FER1L6: variants seen among roughly 807,000 people sequenced by gnomAD.
The protein encoded by FER1L6 is fer-1 like family member 6.
FER1L6 carries 177 observed loss-of-function variants against 219.2 expected under a neutral mutation model. That is an observed-to-expected ratio of 0.81 (90% CI 0.71 to 0.91). The LOEUF (loss-of-function observed/expected upper bound fraction) is 0.91, where lower values mean the gene tolerates loss of function less well. Ranked by LOEUF, FER1L6 falls within the 40% of genes least tolerant of loss-of-function variation. The pLI is 0.00. For synonymous variants in FER1L6, 768 were observed against 824.3 expected, an observed-to-expected ratio of 0.93 and a Z score of 1.17; for missense variants, 2,153 against 2,259.9, an observed-to-expected ratio of 0.95 and a Z score of 0.96.
intron 35 of FER1L6, among the ~76,000 whole-genome samples, chr8:124,095,913 G>A (rs1707349414): frequency 6.6e-6 from 1 of 152,212 alleles, no homozygotes; most frequent in Non-Finnish European, 1.5e-5. Context: ...ATGAGTAGTA[G>A]TAGAGATGGA....
intron 39 of FER1L6, among the ~76,000 whole-genome samples, chr8:124,110,891 T>C (rs1822995709): frequency 6.6e-6 from 1 of 151,562 alleles, no homozygotes; most frequent in African/African-American, 2.4e-5. Flanking sequence ...GTGCCCCCCC[T>C]CCCCTCCAGC....
intron 26 of FER1L6, 108 bp downstream of exon 26, chr8:124,064,681 C>T: frequency 1.1e-6 from 1 of 907,200 alleles, no homozygotes; most frequent in Non-Finnish European, 1.7e-6. Flanking sequence ...AGCAGCTTCA[C>T]ATTTCTGAGT....
chr8:123,899,716 A>T (rs908410466), intron 1 of FER1L6, among the ~76,000 whole-genome samples: 1 of 152,108 alleles, frequency 6.6e-6, no homozygotes, highest in Middle Eastern at 3.2e-3. Context: ...ATTTTCCTAC[A>T]TGTGGCTAGC....
chr8:124,028,688 G>A (rs1818823311), intron 18 of FER1L6, among the ~76,000 whole-genome samples: 3 of 152,148 alleles, frequency 2.0e-5, no homozygotes, highest in African/African-American at 7.2e-5. Context: ...TTGTAACCTT[G>A]GAAACTCTTG....
chr8:123,885,983 C>T (rs539619339), intron 1 of FER1L6, among the ~76,000 whole-genome samples: 1 of 152,330 alleles, frequency 6.6e-6, no homozygotes, highest in South Asian at 2.1e-4. Flanking sequence ...TGTTCCTCTG[C>T]CTCAGAGGCT....
In FER1L6 at chr8:124,101,112, G is replaced by A. The variant is rs375549612; in HGVS notation, c.4899G>A (p.Leu1633=). Residue 1633 remains leucine (L), a synonymous_variant, in exon 38 of 41, where the codon TTG becomes TTA. Transcript: ENST00000522917. ...DIYVKGWLKG[L]EDDKQETDVH... is the part of the protein sequence containing the mutation. ...CTATTTTTAGGTGGTTAAAGGGCTT[G>A]GAGGATGACAAGCAGGAGACAGATG... is the stretch of plus-strand genomic sequence containing the variant. 42 of 1,613,734 alleles carry A rather than the reference G, an allele frequency of 2.6e-5. No homozygotes were observed. In the African/African-American group the frequency reaches 5.5e-4, roughly 21 times the overall value.
intron 1 of FER1L6, among the ~76,000 whole-genome samples, chr8:123,939,529 C>T (rs186622314): frequency 6.6e-6 from 1 of 152,248 alleles, no homozygotes; most frequent in African/African-American, 2.4e-5. Context: ...GTGGGTCTGA[C>T]ACCTGTGACA....
intron 5 of FER1L6, among the ~76,000 whole-genome samples, chr8:123,966,901 G>A (rs368217515): frequency 1.3e-5 from 2 of 152,148 alleles, no homozygotes; most frequent in South Asian, 2.1e-4. Context: ...CTAACATGGT[G>A]AAACCCCATC....
chr8:123,974,680 A>AAAC lies in FER1L6; in HGVS notation c.527-468_527-467insCAA, dbSNP rs1362934333. On this transcript the variant is annotated intron_variant, in intron 7 of 40. Transcript: ENST00000522917. Reference sequence around the variant, plus strand: ...GTCTCAAAAAAAAAAAAAAAAAAAAAAAGAAATGTGAAGCCAGTATTGCCA... The same window carrying AAAC: ...GTCTCAAAAAAAAAAAAAAAAAAAAAAACAAGAAATGTGAAGCCAGTATTGCCA... 1.2e-4 allele frequency among the ~76,000 whole-genome samples: 18 copies of AAAC among 148,596 alleles called. 1 individual carries two copies. The highest frequency in any genetic ancestry group is 4.5e-4 in the African/African-American group (18 of 40,442).
chr8:123,949,177 T>G (rs943510826), intron 1 of FER1L6, among the ~76,000 whole-genome samples: 1 of 152,236 alleles, frequency 6.6e-6, no homozygotes, highest in African/African-American at 2.4e-5. Flanking sequence ...TTGAAGATAT[T>G]AACAGATATT....
chr8:124,053,880 A>C (rs890217012), intron 22 of FER1L6, among the ~76,000 whole-genome samples: 2 of 152,056 alleles, frequency 1.3e-5, no homozygotes, highest in African/African-American at 4.8e-5. Flanking sequence ...TGAAGGATAT[A>C]ATACCTTTGT....
chr8:124,119,624 T>C lies in FER1L6; in HGVS notation c.5408T>C (p.Phe1803Ser). The C allele has an allele frequency of 6.2e-7, 1 of 1,613,062 alleles. No homozygotes were observed. Among genetic ancestry groups the C allele is most frequent in the Non-Finnish European group, 8.5e-7 (1 of 1,179,196 alleles). The change falls in exon 41 of 41, where the codon TTT becomes TCT. Residue 1803 changes from phenylalanine to serine, a missense_variant. Transcript: ENST00000522917. Reference sequence around the variant, plus strand: ...CCCCTCAGCCGCCCAGACACCTCCTTTTCGTGGTTCATGAGCCCCTTTAAG... The same window carrying C: ...CCCCTCAGCCGCCCAGACACCTCCTCTTCGTGGTTCATGAGCCCCTTTAAG... ...LAKPNRPDTS[F>S]SWFMSPFKCL... is the part of the protein sequence containing the mutation.
At chr8:123,992,730 C>A (rs1242773079) in intron 12 of FER1L6, among the ~76,000 whole-genome samples, 1 of 151,834 alleles carries the variant, frequency 6.6e-6, no homozygotes, top group Non-Finnish European at 1.5e-5. Flanking sequence ...TTTGTTATTT[C>A]TTTTCTTCTG....
At chr8:123,950,147 C>T (rs1391414269) in intron 1 of FER1L6, among the ~76,000 whole-genome samples, 1 of 152,108 alleles carries the variant, frequency 6.6e-6, no homozygotes, top group Non-Finnish European at 1.5e-5. Flanking sequence ...GCGGTGGGGG[C>T]GTCTAGTAGT....
intron 15 of FER1L6, among the ~76,000 whole-genome samples, chr8:124,015,559 TC>T (rs1290674568): frequency 2.7e-5 from 3 of 110,516 alleles, no homozygotes; most frequent in Non-Finnish European, 3.7e-5. Flanking sequence ...TTCTTGTTTT[TC>T]ATTATAAAAG....
chr8:123,912,792 T>A (rs1813077636), intron 1 of FER1L6, among the ~76,000 whole-genome samples: 1 of 152,200 alleles, frequency 6.6e-6, no homozygotes. Context: ...AATCAAATGC[T>A]ATGGGAATCC....
At chr8:124,066,750 G>A (rs761659767) in intron 27 of FER1L6, among the ~76,000 whole-genome samples, 200 bp downstream of exon 27, 11 of 152,114 alleles carry the variant, frequency 7.2e-5, no homozygotes, top group Non-Finnish European at 1.3e-4. Flanking sequence ...CTTTTTGGCT[G>A]GAGCTGGCCC....
In FER1L6 at chr8:123,977,468, G is replaced by A. The variant is rs1816135214; in HGVS notation, c.922G>A (p.Val308Met). The part of the protein sequence containing the change: ...NCADPVWHEQ[V>M]IFKEMFPPLC... ...TGCTGATCCTGTGTGGCATGAACAG[G>A]TGATCTTCAAGGAAATGTTCCCTCC... Residue 308 changes from valine (V) to methionine (M), a missense_variant, in exon 10 of 41, where the codon GTG becomes ATG. Transcript: ENST00000522917. 1.2e-6 allele frequency: 2 copies of A among 1,614,006 alleles called. No homozygotes were observed. The highest frequency in any genetic ancestry group is 1.7e-6 in the Non-Finnish European group (2 of 1,180,018).
intron 1 of FER1L6, chr8:123,939,110 G>A (rs754179534): frequency 6.3e-6 from 6 of 945,716 alleles, no homozygotes; most frequent in African/African-American, 1.8e-5. Context: ...GAGAAGCATA[G>A]GTTTGTACTT....
Sources: allele counts gnomAD v4.1 joint callset (sites outside exome capture counted in the v4.1 genomes callset), GRCh38; gene constraint gnomAD v4.1.1; transcripts MANE v1.5; gene names NCBI Gene and HGNC (gene_info 2026-07-23, HGNC 2026-07-21).